Variants in DOCK6 observed in about 807,000 individuals in gnomAD.
The protein encoded by DOCK6 is dedicator of cytokinesis protein 6.
A neutral mutation model predicts 230.3 loss-of-function variants in DOCK6; 167 were observed. The ratio of observed to expected loss-of-function variants is 0.73; its 90% CI spans 0.64 to 0.82. DOCK6 has a LOEUF of 0.82. Among genes scored for constraint, DOCK6 ranks in the 40% least tolerant of loss-of-function variants. DOCK6 has a pLI of 0.00. For missense variants in DOCK6, 2,598 were observed against 2,825.8 expected (o/e 0.92, Z 1.83); for synonymous variants, 1,148 against 1,185.0 (o/e 0.97, Z 0.64).
In DOCK6 at chr19:11,227,493, GAGGGCTGTGGGTGGGATTTGA is replaced by G. The variant is rs760709941; in HGVS notation, c.2815-37_2815-17del. 2 of 1,536,276 alleles carry G rather than the reference GAGGGCTGTGGGTGGGATTTGA, an allele frequency of 1.3e-6. No homozygotes were observed. The highest frequency in any genetic ancestry group is 1.8e-6 in the Non-Finnish European group (2 of 1,140,100). On this transcript the variant is annotated splice_polypyrimidine_tract_variant and intron_variant, in intron 23 of 47. Transcript: ENST00000294618. ...TACTCTTCACCTGGGGGTGGGGTGA[GAGGGCTGTGGGTGGGATTTGA>G]AGGGCTGTGGGTAGGACTTGAAGGG...
intron 1 of DOCK6, among the ~76,000 whole-genome samples, chr19:11,256,136 G>A (rs1341653250): frequency 6.6e-6 from 1 of 152,138 alleles, no homozygotes; most frequent in Non-Finnish European, 1.5e-5. Context: ...CTGACTGGGG[G>A]GGTTGAGAAA....
At position 11,245,768 on chromosome 19, in the gene DOCK6, A is replaced by G. The variant is rs898248287; in HGVS notation, c.873+44T>C. 8.1e-6 allele frequency: 13 copies of G among 1,603,164 alleles called. No individual in the cohort carries two copies. The East Asian group carries it at 9.0e-5, about 11-fold the overall frequency. ...CCTCTGGGAAGCCCACAGCCCCCCA[A>G]CAAGGAGAAGGAAGGGGAGGAAAGA... On this transcript the variant is annotated intron_variant, in intron 8 of 47. Transcript: ENST00000294618.
chr19:11,215,545 G>C (rs146084897), intron 31 of DOCK6, 74 bp from the exon 32 acceptor site: 142 of 1,458,482 alleles, frequency 9.7e-5, no homozygotes, highest in Non-Finnish European at 1.3e-4. Context: ...GAAATGCACA[G>C]GCATGAAGAT....
In DOCK6 at chr19:11,241,493, G is replaced by A. The variant is rs375004104; in HGVS notation, c.1643+552C>T. The A allele has an allele frequency of 3.8e-4, 594 of 1,553,444 alleles. 3 individuals are homozygous for A. The Middle Eastern group carries it at 4.4e-3, about 12-fold the overall frequency. On this transcript the variant is annotated intron_variant, in intron 14 of 47. Coordinates refer to ENST00000294618, the MANE Select transcript of DOCK6 (RefSeq NM_020812.4). ...CATCCTATGGGCCCTCACAGGCCAC[G>A]TGCAGCGGCAGAGGCGGGAGATGGT...
chr19:11,237,982 T>C, intron 16 of DOCK6, 63 bp downstream of exon 16: 1 of 1,560,720 alleles, frequency 6.4e-7, no homozygotes, highest in South Asian at 1.1e-5. Flanking sequence ...TATGTGTATA[T>C]ATAAGGGACA....
chr19:11,249,520 A>T (rs937674550), intron 6 of DOCK6, among the ~76,000 whole-genome samples: 21 of 151,380 alleles, frequency 1.4e-4, no homozygotes, highest in African/African-American at 2.9e-4. Flanking sequence ...AAAAAAAAAA[A>T]TTTATTTTAT....
intron 37 of DOCK6, among the ~76,000 whole-genome samples, chr19:11,210,742 A>C (rs1600861742): frequency 5.8e-5 from 7 of 121,272 alleles, no homozygotes; most frequent in East Asian, 2.6e-4. Context: ...TCACCTGTCC[A>C]CCCCCTCACC....
chr19:11,231,992 T>C (rs976489492), intron 22 of DOCK6, among the ~76,000 whole-genome samples: 1 of 152,204 alleles, frequency 6.6e-6, no homozygotes, highest in Non-Finnish European at 1.5e-5. Flanking sequence ...GTGGCCTATG[T>C]GGCAGCAAAA....
intron 14 of DOCK6, 143 bp downstream of exon 14, chr19:11,241,902 A>G: frequency 7.8e-7 from 1 of 1,277,630 alleles, no homozygotes; most frequent in South Asian, 1.4e-5. Context: ...GTACCCTTTC[A>G]TGCCTACACA....
intron 37 of DOCK6, among the ~76,000 whole-genome samples, chr19:11,209,824 C>T (rs1461938178): frequency 1.1e-4 from 8 of 70,422 alleles, no homozygotes; most frequent in African/African-American, 1.2e-4. Flanking sequence ...CCTGCCCACC[C>T]TCTCACCTGT....
At chr19:11,207,643 T>C (rs1447955560) in intron 39 of DOCK6, among the ~76,000 whole-genome samples, 2 of 151,372 alleles carry the variant, frequency 1.3e-5, no homozygotes, top group East Asian at 2.0e-4. Flanking sequence ...AAATTAAAAA[T>C]TGGCAGGGTG....
intron 6 of DOCK6, 129 bp from the exon 7 acceptor site, chr19:11,248,280 G>T: frequency 1.5e-6 from 1 of 659,534 alleles, no homozygotes; most frequent in Non-Finnish European, 2.6e-6. Context: ...CTGCCTCTGA[G>T]CCTTTACACG....
intron 7 of DOCK6, 194 bp downstream of exon 7, chr19:11,247,872 T>C (rs2080059368): frequency 5.2e-6 from 3 of 582,058 alleles, no homozygotes; most frequent in South Asian, 2.0e-5. Flanking sequence ...TGGCATACAA[T>C]TGGCACTTAA....
intron 21 of DOCK6, 107 bp downstream of exon 21, chr19:11,235,491 T>G (rs1002311684): frequency 9.0e-6 from 10 of 1,116,696 alleles, no homozygotes; most frequent in African/African-American, 1.6e-5. Flanking sequence ...CCTCAAATGA[T>G]CCATCCAGCT....
intron 22 of DOCK6, among the ~76,000 whole-genome samples, chr19:11,230,455 C>A (rs1312113156): frequency 6.6e-6 from 1 of 151,996 alleles, no homozygotes; most frequent in South Asian, 2.1e-4. Context: ...GGAGTGGGAC[C>A]GAGAACACAC....
intron 3 of DOCK6, 76 bp from the exon 4 acceptor site, chr19:11,252,626 T>C: frequency 1.3e-6 from 2 of 1,595,798 alleles, no homozygotes; most frequent in Non-Finnish European, 1.7e-6. Flanking sequence ...AGGTTAGCAC[T>C]GTCCTGCCTA....
At chr19:11,213,374 C>G (rs1216129211) in intron 34 of DOCK6, 46 bp from the exon 35 acceptor site, 3 of 1,583,296 alleles carry the variant, frequency 1.9e-6, no homozygotes, top group Non-Finnish European at 2.6e-6. Flanking sequence ...CCTCCCCGTT[C>G]TGGCTCAGAA....
In DOCK6 at chr19:11,243,476, C is replaced by A. The variant is rs2147852779; in HGVS notation, c.1258+81G>T. 2 of 1,545,568 alleles carry A rather than the reference C, an allele frequency of 1.3e-6. No individual in the cohort carries two copies. Among genetic ancestry groups the A allele is most frequent in the Non-Finnish European group, 1.7e-6 (2 of 1,146,342 alleles). ...CAGTTCGGCCAGCAGAGGGCGCACC[C>A]CCTCGCCCCGTAGCCCCGCCCCAGG... On this transcript the variant is annotated intron_variant, in intron 11 of 47. Transcript: ENST00000294618. The surrounding 1 kb of genome is among the most constrained non-coding windows in gnomAD (Gnocchi z 6.3).
chr19:11,219,488 TA>T (rs911098444), intron 28 of DOCK6, among the ~76,000 whole-genome samples: 2 of 151,270 alleles, frequency 1.3e-5, no homozygotes, highest in East Asian at 4.0e-4. Flanking sequence ...GCACCCGGCT[TA>T]AAAAAATCAC....
Sources: gnomAD v4.1 joint callset for allele counts (sites outside exome capture counted in the v4.1 genomes callset) on GRCh38, gnomAD v4.1.1 for gene constraint, Gnocchi (gnomAD v3.1) non-coding constraint, MANE v1.5 for transcripts, NCBI Gene and HGNC (gene_info 2026-07-23, HGNC 2026-07-21) for gene names.